The following NLRP14 variants were observed in gnomAD, a reference collection of about 807,000 sequenced individuals.
NLRP14 encodes the protein NLR family pyrin domain containing 14.
NLRP14 carries 105 observed loss-of-function variants against 94.7 expected under a neutral mutation model. That is an observed-to-expected ratio of 1.11 (90% CI 0.95 to 1.30). The LOEUF is 1.30. Ranked by LOEUF, NLRP14 falls within the 50% of genes most tolerant of loss-of-function variation. The pLI, the probability that NLRP14 is intolerant of heterozygous loss-of-function variation, is 0.00. For synonymous variants in NLRP14, 508 were observed against 459.9 expected, an observed-to-expected ratio of 1.10 and a Z score of -1.34; for missense variants, 1,362 against 1,254.1, an observed-to-expected ratio of 1.09 and a Z score of -1.30.
intron 1 of NLRP14, among the ~76,000 whole-genome samples, chr11:7,026,529 G>C (rs990143396): frequency 2.6e-5 from 4 of 152,090 alleles, no homozygotes; most frequent in African/African-American, 9.7e-5. Flanking sequence ...AGGATGTGGA[G>C]AAATAGGAAC....
intron 6 of NLRP14, among the ~76,000 whole-genome samples, chr11:7,050,736 T>C (rs150017453): frequency 6.6e-6 from 1 of 152,328 alleles, no homozygotes; most frequent in East Asian, 1.9e-4. Context: ...GGAATTCACT[T>C]ACAGCATATC....
chr11:7,032,338 G>A (rs1852110534), intron 1 of NLRP14, among the ~76,000 whole-genome samples: 2 of 152,070 alleles, frequency 1.3e-5, no homozygotes, highest in Non-Finnish European at 2.9e-5. Context: ...AATCAAGTGT[G>A]TGCTATATTT....
the NLRP14 span, chr11:7,089,279 C>T: frequency 6.2e-6 from 10 of 1,608,602 alleles, no homozygotes; most frequent in Non-Finnish European, 8.5e-6. Flanking sequence ...GCTTCGCGTT[C>T]GTCACCTTTG....
intron 4 of NLRP14, among the ~76,000 whole-genome samples, chr11:7,045,227 G>A (rs1334113170): frequency 2.6e-5 from 4 of 152,146 alleles, no homozygotes; most frequent in East Asian, 3.8e-4. Flanking sequence ...GTGAGTAATC[G>A]TCAGTCAATT....
At chr11:7,023,230 A>C (rs1851969325) in intron 1 of NLRP14, among the ~76,000 whole-genome samples, 1 of 150,098 alleles carries the variant, frequency 6.7e-6, no homozygotes. Flanking sequence ...TTATATACAC[A>C]TATAAAATTT....
chr11:7,045,290 C>T (rs757408798), intron 4 of NLRP14, among the ~76,000 whole-genome samples: 17 of 152,138 alleles, frequency 1.1e-4, no homozygotes, highest in Non-Finnish European at 2.4e-4. Flanking sequence ...TTTAACAGGG[C>T]ATTAAAACGT....
chr11:7,023,224 A>T (rs1053584536), intron 1 of NLRP14, among the ~76,000 whole-genome samples: 6 of 150,392 alleles, frequency 4.0e-5, no homozygotes. Context: ...ACCATTTTAT[A>T]TACACATATA....
the NLRP14 span, among the ~76,000 whole-genome samples, chr11:7,087,501 G>A: frequency 0.031 from 4,708 of 152,236 alleles, 137 homozygotes; most frequent in East Asian, 0.13. Context: ...GGTTTGATTA[G>A]TAAGTGGCAC....
chr11:7,022,479 A>G (rs543578610), intron 1 of NLRP14, among the ~76,000 whole-genome samples: 1 of 152,348 alleles, frequency 6.6e-6, no homozygotes, highest in South Asian at 2.1e-4. Context: ...TCACATAACT[A>G]AGAACAAAAA....
downstream of NLRP14, among the ~76,000 whole-genome samples, chr11:7,073,752 T>C (rs186257305): frequency 1.3e-5 from 2 of 152,340 alleles, no homozygotes; most frequent in African/African-American, 2.4e-5. Context: ...AACAGCCATA[T>C]GAAAGAGACA....
Position 7,049,786 on chromosome 11 carries a change from A to T in NLRP14, c.2239A>T (p.Lys747Ter). ...KGSDIGDNGV[K>*]SLCEALKHPE... ...GAGTGATATAGGGGATAATGGAGTA[A>T]AGTCATTGTGTGAGGCCTTGAAACA... Residue 747 changes from lysine to a stop codon, truncating the protein, a stop_gained, in exon 6 of 12, where the codon AAG becomes TAG. Transcript: ENST00000299481. LOFTEE classifies it high-confidence loss of function. 1 of 1,611,922 alleles carries T rather than the reference A, an allele frequency of 6.2e-7. No individual in the cohort carries two copies. The highest frequency in any genetic ancestry group is 8.5e-7 in the Non-Finnish European group (1 of 1,178,046).
In NLRP14 at chr11:7,047,896, A is replaced by G. The variant is rs1378067651; in HGVS notation, c.2123+1064A>G. On this transcript the variant is annotated intron_variant, in intron 5 of 11. Transcript: ENST00000299481. ...TGCCTCAGCCTCCCGAGTAGGTGGG[A>G]CTACAGGCACGCAGCACCACACCTG... Among the ~76,000 whole-genome samples, 3 of 150,986 alleles carry G rather than the reference A, an allele frequency of 2.0e-5. No individual in the cohort carries two copies. In the East Asian group the frequency reaches 5.9e-4, roughly 30 times the overall value.
At chr11:7,086,172 G>A in the NLRP14 span, among the ~76,000 whole-genome samples, 1 of 152,078 alleles carries the variant, frequency 6.6e-6, no homozygotes, top group Admixed American at 6.5e-5. Context: ...CACTACACAG[G>A]GGTTCCAATT....
chr11:7,089,909 C>T, the NLRP14 span: 3 of 1,612,912 alleles, frequency 1.9e-6, no homozygotes, highest in Non-Finnish European at 2.5e-6. Context: ...GAGACGGCTA[C>T]GGAGGTCGCG....
chr11:7,037,438 T>C (rs1026429776), intron 1 of NLRP14, among the ~76,000 whole-genome samples: 45 of 152,100 alleles, frequency 3.0e-4, no homozygotes, highest in African/African-American at 1.0e-3. Flanking sequence ...TTAGCAAGAA[T>C]TGGGGGAGAC....
intron 6 of NLRP14, among the ~76,000 whole-genome samples, chr11:7,054,043 T>G (rs948068185): frequency 6.6e-6 from 1 of 152,128 alleles, no homozygotes; most frequent in African/African-American, 2.4e-5. Context: ...CACAAATAAG[T>G]GAGAACATGG....
At chr11:7,050,916 T>A (rs1852433511) in intron 6 of NLRP14, among the ~76,000 whole-genome samples, 1 of 152,192 alleles carries the variant, frequency 6.6e-6, no homozygotes, top group Non-Finnish European at 1.5e-5. Context: ...GTTTCCTATA[T>A]CTAAAAATAA....
intron 3 of NLRP14, among the ~76,000 whole-genome samples, chr11:7,042,023 CTT>C (rs1229427910): frequency 1.4e-5 from 2 of 138,156 alleles, no homozygotes; most frequent in Non-Finnish European, 1.6e-5. Context: ...TGCCTCTGTT[CTT>C]TTTTTTTTTA....
chr11:7,078,210 G>A, the NLRP14 span, among the ~76,000 whole-genome samples: 69 of 151,910 alleles, frequency 4.5e-4, no homozygotes, highest in South Asian at 4.8e-3. Context: ...AGGCCAAGAC[G>A]GGTGGATCAC....
Sources: gnomAD v4.1 joint callset for allele counts (sites outside exome capture counted in the v4.1 genomes callset) on GRCh38, gnomAD v4.1.1 for gene constraint, MANE v1.5 for transcripts, NCBI Gene and HGNC (gene_info 2026-07-23, HGNC 2026-07-21) for gene names.